Variants in DIS3L2 observed in about 807,000 individuals in gnomAD.
DIS3L2 encodes the protein DIS3 like 3'-5' exoribonuclease 2, also known as DIS3-like exonuclease 2.
In DIS3L2, 34 loss-of-function variants were observed where a neutral mutation model predicts 97.5. That is an observed-to-expected ratio of 0.35 (90% CI 0.27 to 0.46). The LOEUF (loss-of-function observed/expected upper bound fraction) is 0.46. DIS3L2 is among the 20% of genes least tolerant of loss of function. DIS3L2 has a pLI of 1.00. For missense variants in DIS3L2, 1,038 were observed against 1,146.0 expected, an observed-to-expected ratio of 0.91 and a Z score of 1.36; for synonymous variants, 435 against 445.2, an observed-to-expected ratio of 0.98 and a Z score of 0.29.
Position 232,334,874 on chromosome 2 carries a change from G to A in DIS3L2, c.2394+139G>A, listed in dbSNP as rs528703905. The A allele has an allele frequency of 3.2e-3, 2,220 of 692,656 alleles. 32 individuals are homozygous for A. In the African/African-American group the frequency reaches 0.034, roughly 11 times the overall value. 42.9% of individuals were successfully genotyped at this position (692,656 alleles called of 1,614,324 possible). A position where few individuals can be genotyped will look rare whatever the true frequency, so the allele number is the denominator to read the frequency against. ...CAAAGCCCACCTGATGGGCCTTGCT[G>A]AGACGCCCAGCTCTCCCACCTGGGA... On this transcript the variant is annotated intron_variant, in intron 19 of 20. Transcript: ENST00000325385.
chr2:231,971,858 G>A (rs1296066639), intron 1 of DIS3L2, among the ~76,000 whole-genome samples: 2 of 150,178 alleles, frequency 1.3e-5, no homozygotes, highest in African/African-American at 4.9e-5. Flanking sequence ...TGGGATTACA[G>A]GTGTGAGCCA....
At chr2:232,070,233 G>A (rs945129368) in intron 5 of DIS3L2, among the ~76,000 whole-genome samples, 2 of 152,228 alleles carry the variant, frequency 1.3e-5, no homozygotes, top group East Asian at 1.9e-4. Context: ...GCCACTGCAC[G>A]CCAGCCTGGG....
At position 232,136,045 on chromosome 2, in the gene DIS3L2, T is replaced by C. The variant is rs552692845; in HGVS notation, c.703-427T>C. On this transcript the variant is annotated intron_variant, in intron 7 of 20. Transcript: ENST00000325385. ...TTTCTCCTTTCAGCTATTCAAGACATAATTAAGAGAAGTAATTTATGTCTG... is the reference window on the plus strand; with the variant it reads ...TTTCTCCTTTCAGCTATTCAAGACACAATTAAGAGAAGTAATTTATGTCTG... Among the ~76,000 whole-genome samples, 4 of 152,308 alleles carry C rather than the reference T, an allele frequency of 2.6e-5. No individual in the cohort carries two copies. In the East Asian group the frequency reaches 7.7e-4, roughly 29 times the overall value.
In DIS3L2 at chr2:232,246,938, T is replaced by C. The variant is rs973784458; in HGVS notation, c.1318-2301T>C. On this transcript the variant is annotated intron_variant, in intron 11 of 20. Coordinates refer to ENST00000325385, the MANE Select transcript of DIS3L2 (RefSeq NM_152383.5). ...CTAAACTCCTTACTTTATTTGGATT[T>C]CACTAGTTTTTCCATCAGTGTTTTC... Among the ~76,000 whole-genome samples the C allele has an allele frequency of 7.8e-3, 12 of 1,548 alleles. No homozygotes were observed. In the Admixed American group the frequency reaches 0.092, roughly 12 times the overall value. 1.0% of individuals were successfully genotyped at this position (1,548 alleles called of 152,430 possible).
chr2:232,092,513 T>G (rs557771934), intron 6 of DIS3L2, among the ~76,000 whole-genome samples: 2 of 152,190 alleles, frequency 1.3e-5, no homozygotes, highest in Non-Finnish European at 2.9e-5. Flanking sequence ...TTAACAATAT[T>G]GATTCTTCCC....
chr2:232,223,404 G>A (rs148364557), intron 10 of DIS3L2, among the ~76,000 whole-genome samples: 26 of 152,272 alleles, frequency 1.7e-4, no homozygotes, highest in African/African-American at 5.3e-4. Flanking sequence ...TAAAATGGTG[G>A]TTTGAACTAG....
chr2:232,049,348 A>G (rs1386780998), intron 5 of DIS3L2, among the ~76,000 whole-genome samples: 1 of 152,222 alleles, frequency 6.6e-6, no homozygotes, highest in Non-Finnish European at 1.5e-5. Context: ...GTCTGAATGT[A>G]TCCCCAGAAT....
At chr2:232,194,581 G>A (rs1225368441) in intron 9 of DIS3L2, among the ~76,000 whole-genome samples, 4 of 152,212 alleles carry the variant, frequency 2.6e-5, no homozygotes, top group Non-Finnish European at 5.9e-5. Context: ...GAGAAGGAGA[G>A]TATAATGTAA....
chr2:232,302,840 G>A (rs554345249), intron 14 of DIS3L2, among the ~76,000 whole-genome samples: 3 of 152,138 alleles, frequency 2.0e-5, no homozygotes, highest in Admixed American at 6.5e-5. Context: ...GATTATAGTC[G>A]TGAGCCACCA....
intron 9 of DIS3L2, among the ~76,000 whole-genome samples, chr2:232,182,381 T>C (rs1691313298): frequency 6.6e-6 from 1 of 152,240 alleles, no homozygotes; most frequent in Non-Finnish European, 1.5e-5. Flanking sequence ...TAGAAGAATA[T>C]GTTTTCTGCT....
intron 1 of DIS3L2, among the ~76,000 whole-genome samples, chr2:231,972,605 G>A (rs1420491279): frequency 6.6e-6 from 1 of 152,170 alleles, no homozygotes; most frequent in Non-Finnish European, 1.5e-5. Context: ...GTGCAGTGGT[G>A]CAATCTCAGC....
At chr2:232,294,019 A>T (rs1205573592) in intron 13 of DIS3L2, among the ~76,000 whole-genome samples, 2 of 152,204 alleles carry the variant, frequency 1.3e-5, no homozygotes, top group Non-Finnish European at 2.9e-5. Flanking sequence ...CTGGCTGCCC[A>T]CTTTGTCAGT....
chr2:232,092,635 T>G (rs11680246), intron 6 of DIS3L2, among the ~76,000 whole-genome samples: 2,216 of 152,204 alleles, frequency 0.015, 23 homozygotes, highest in Non-Finnish European at 0.021. Flanking sequence ...TAATTCTGAG[T>G]TATTTAATTT....
At chr2:232,086,867 A>G (rs1473194398) in intron 5 of DIS3L2, among the ~76,000 whole-genome samples, 2 of 151,222 alleles carry the variant, frequency 1.3e-5, no homozygotes, top group Non-Finnish European at 1.5e-5. Flanking sequence ...TTTTTAGTAG[A>G]GACAGAGTTT....
In DIS3L2 at chr2:232,015,603, A is replaced by G; in HGVS notation, c.142A>G (p.Ser48Gly). The G allele has an allele frequency of 1.2e-6, 2 of 1,614,114 alleles. No individual in the cohort carries two copies. Among genetic ancestry groups the G allele is most frequent in the Non-Finnish European group, 1.7e-6 (2 of 1,179,978 alleles). ...CAGGTCCACACGAGGGAAGAAAAAGAGCATATTTGAAACTTACATGTCCAA... is the reference window on the plus strand; with the variant it reads ...CAGGTCCACACGAGGGAAGAAAAAGGGCATATTTGAAACTTACATGTCCAA... Reference protein sequence around the residue: ...KNRSTRGKKKSIFETYMSKED... With the variant: ...KNRSTRGKKKGIFETYMSKED... Residue 48 changes from serine (S) to glycine (G), a missense_variant, in exon 3 of 21, where the codon AGC becomes GGC. Around this residue, in one of 3 missense-constraint regions of DIS3L2, gnomAD observed 813 missense variants for 880.1 expected, o/e 0.92. Coordinates refer to ENST00000325385, the MANE Select transcript of DIS3L2 (RefSeq NM_152383.5).
intron 13 of DIS3L2, among the ~76,000 whole-genome samples, chr2:232,270,756 A>G (rs1022708684): frequency 1.3e-5 from 2 of 152,068 alleles, no homozygotes; most frequent in African/African-American, 4.8e-5. Flanking sequence ...ACCAATTTAT[A>G]CTCCTTCAGT....
intron 8 of DIS3L2, among the ~76,000 whole-genome samples, chr2:232,157,848 T>A (rs553247435): frequency 4.6e-5 from 7 of 152,156 alleles, no homozygotes; most frequent in Non-Finnish European, 1.0e-4. Context: ...TGTTCCTATG[T>A]CCCTTGAGCA....
chr2:232,040,849 A>G (rs980656048), intron 5 of DIS3L2, among the ~76,000 whole-genome samples: 8 of 152,238 alleles, frequency 5.3e-5, no homozygotes, highest in East Asian at 1.9e-4. Flanking sequence ...TCCTGGCTTC[A>G]TGATCATACT....
chr2:232,163,655 G>T, intron 9 of DIS3L2, 23 bp downstream of exon 9: 1 of 1,608,108 alleles, frequency 6.2e-7, no homozygotes, highest in Non-Finnish European at 8.5e-7. Context: ...AACCCTTTAA[G>T]AACGTATATC....
Sources: gnomAD v4.1 joint callset for allele counts (sites outside exome capture counted in the v4.1 genomes callset) on GRCh38, gnomAD v4.1.1 for gene constraint, gnomAD v4.1.1 regional missense constraint, MANE v1.5 for transcripts, NCBI Gene and HGNC (gene_info 2026-07-23, HGNC 2026-07-21) for gene names.